ARSB: variants seen among roughly 807,000 people sequenced by gnomAD.
The protein encoded by ARSB is N-acetylgalactosamine-4-sulfatase.
In ARSB, 41 loss-of-function variants were observed where a neutral mutation model predicts 50.9. The ratio of observed to expected loss-of-function variants is 0.81; its 90% CI spans 0.63 to 1.04. The LOEUF (loss-of-function observed/expected upper bound fraction) is 1.04, where lower values mean the gene tolerates loss of function less well. Among genes scored for constraint, ARSB ranks in the 50% least tolerant of loss-of-function variants. The pLI is 0.00. For synonymous variants in ARSB, 269 were observed against 284.8 expected (o/e 0.94, Z 0.56); for missense variants, 672 against 693.3 (o/e 0.97, Z 0.35).
intron 4 of ARSB, among the ~76,000 whole-genome samples, chr5:78,929,192 G>A (rs1750200878): frequency 6.6e-6 from 1 of 152,120 alleles, no homozygotes; most frequent in Admixed American, 6.6e-5. Context: ...GCATACTCCT[G>A]TACCTCACAC....
intron 5 of ARSB, among the ~76,000 whole-genome samples, chr5:78,856,844 C>T (rs1171980693): frequency 2.6e-5 from 4 of 152,292 alleles, no homozygotes; most frequent in Non-Finnish European, 2.9e-5. Context: ...ATGAACTTTC[C>T]TCCTGACCAA....
chr5:78,797,050 T>G (rs958940752), intron 6 of ARSB, among the ~76,000 whole-genome samples: 1 of 152,180 alleles, frequency 6.6e-6, no homozygotes, highest in African/African-American at 2.4e-5. Context: ...GCTAATTTTT[T>G]GTATTTTTTA....
At position 78,964,405 on chromosome 5, in the gene ARSB, G is replaced by A. The variant is rs1178359653; in HGVS notation, c.690+11C>T. On this transcript the variant is annotated intron_variant, in intron 3 of 7. Coordinates refer to ENST00000264914, the MANE Select transcript of ARSB (RefSeq NM_000046.5). The stretch of plus-strand genomic sequence containing the variant: ...AAGATTTTGCTATCAGTAAATAGAA[G>A]CAAAACTTACCTTCTCTGGTGGATG... 4 of 1,613,000 alleles carry A rather than the reference G, an allele frequency of 2.5e-6. No individual in the cohort carries two copies. The highest frequency in any genetic ancestry group is 2.5e-6 in the Non-Finnish European group (3 of 1,179,240).
intron 4 of ARSB, among the ~76,000 whole-genome samples, chr5:78,905,334 G>A (rs1324870319): frequency 2.5e-5 from 2 of 80,792 alleles, no homozygotes; most frequent in African/African-American, 4.2e-5. Context: ...AGTACTGCTC[G>A]TATTTTCCTG....
chr5:78,795,251 C>G (rs116095564), intron 6 of ARSB, among the ~76,000 whole-genome samples: 1 of 152,212 alleles, frequency 6.6e-6, no homozygotes. Context: ...GGCCAATGTC[C>G]ACCTTGGTTC....
chr5:78,870,525 A>G (rs1581071470), intron 5 of ARSB, among the ~76,000 whole-genome samples: 1 of 149,470 alleles, frequency 6.7e-6, no homozygotes, highest in Non-Finnish European at 1.5e-5. Context: ...CAAATCAATA[A>G]ATGTAATCCA....
At chr5:78,979,031 T>C (rs946913069) in intron 1 of ARSB, among the ~76,000 whole-genome samples, 1 of 152,004 alleles carries the variant, frequency 6.6e-6, no homozygotes, top group Non-Finnish European at 1.5e-5. Context: ...ATCAGGAAAG[T>C]AAAAAGCAAT....
chr5:78,833,455 C>T (rs886664976), intron 6 of ARSB, among the ~76,000 whole-genome samples: 2 of 152,206 alleles, frequency 1.3e-5, no homozygotes, highest in South Asian at 4.1e-4. Flanking sequence ...TCCAAGGTTA[C>T]TTCAGAACAA....
intron 1 of ARSB, among the ~76,000 whole-genome samples, chr5:78,984,204 C>G (rs1176089275): frequency 6.6e-6 from 1 of 152,148 alleles, no homozygotes; most frequent in Non-Finnish European, 1.5e-5. Context: ...TGCACTGTTT[C>G]AATAATTCAC....
chr5:78,915,944 T>G (rs1749528689), intron 4 of ARSB, among the ~76,000 whole-genome samples: 1 of 152,202 alleles, frequency 6.6e-6, no homozygotes, highest in Non-Finnish European at 1.5e-5. Flanking sequence ...TGGTGGATTT[T>G]CAGGTTAGGG....
intron 5 of ARSB, among the ~76,000 whole-genome samples, chr5:78,864,895 A>G (rs148303645): frequency 2.0e-3 from 312 of 152,310 alleles, no homozygotes; most frequent in Non-Finnish European, 4.0e-3. Flanking sequence ...CTCAAACTCC[A>G]TGTCTCACAT....
rs2112530668 is a variant in ARSB, at chr5:78,969,190, G to A, written c.315C>T (p.Ile105=). 1 of 1,614,024 alleles carries A rather than the reference G, an allele frequency of 6.2e-7. No homozygotes were observed. The highest frequency in any genetic ancestry group is 1.1e-5 in the South Asian group (1 of 91,074). Residue 105 remains isoleucine (I), a splice_region_variant and synonymous_variant, in exon 2 of 8, where the codon ATC becomes ATT. Transcript: ENST00000264914. ...TTATTTGGTGCTGTAAACCTGTACG[G>A]ATCTTACAGAGATAAACATAAAATT... ...RSQLLTGRYQ[I]RTGLQHQIIW...
chr5:78,869,996 C>A (rs1434348455), intron 5 of ARSB, among the ~76,000 whole-genome samples: 1 of 143,232 alleles, frequency 7.0e-6, no homozygotes, highest in Non-Finnish European at 1.5e-5. Flanking sequence ...CCACCGATCC[C>A]ACAGAAATAC....
chr5:78,872,583 G>A (rs1056778183), intron 5 of ARSB, among the ~76,000 whole-genome samples: 3 of 138,544 alleles, frequency 2.2e-5, no homozygotes, highest in Non-Finnish European at 1.5e-5. Flanking sequence ...ACCAAACACC[G>A]CATATTCTCA....
At chr5:78,863,428 T>C (rs903721439) in intron 5 of ARSB, among the ~76,000 whole-genome samples, 1 of 151,944 alleles carries the variant, frequency 6.6e-6, no homozygotes, top group Admixed American at 6.6e-5. Flanking sequence ...TGTACAGCCA[T>C]AAAAAAGGAC....
chr5:78,866,861 G>A (rs889181743), intron 5 of ARSB, among the ~76,000 whole-genome samples: 1 of 152,240 alleles, frequency 6.6e-6, no homozygotes, highest in African/African-American at 2.4e-5. Flanking sequence ...CTCCCAGCAT[G>A]AGCGACGCAG....
intron 5 of ARSB, among the ~76,000 whole-genome samples, chr5:78,873,652 C>T (rs1027978023): frequency 2.1e-4 from 31 of 150,540 alleles, no homozygotes; most frequent in African/African-American, 4.9e-4. Context: ...CCCGCCACTA[C>T]GCCCGGCTAA....
chr5:78,823,345 C>A (rs1744311250), intron 6 of ARSB, among the ~76,000 whole-genome samples: 1 of 152,152 alleles, frequency 6.6e-6, no homozygotes, highest in Admixed American at 6.5e-5. Context: ...AATCTCTCAG[C>A]CATTTAAGAG....
At chr5:78,850,397 C>T (rs1745705770) in intron 5 of ARSB, among the ~76,000 whole-genome samples, 1 of 152,020 alleles carries the variant, frequency 6.6e-6, no homozygotes, top group South Asian at 2.1e-4. Context: ...CCTTGCATCC[C>T]AGGGATGAAG....
Sources: gnomAD v4.1 joint callset for allele counts (sites outside exome capture counted in the v4.1 genomes callset) on GRCh38, gnomAD v4.1.1 for gene constraint, MANE v1.5 for transcripts, NCBI Gene and HGNC (gene_info 2026-07-23, HGNC 2026-07-21) for gene names.